CFAP299: variants seen among roughly 807,000 people sequenced by gnomAD.
The protein encoded by CFAP299 is cilia and flagella associated protein 299.
In CFAP299, 21 loss-of-function variants were observed where a neutral mutation model predicts 27.0. That is an observed-to-expected ratio of 0.78 (90% CI 0.55 to 1.12). The LOEUF (loss-of-function observed/expected upper bound fraction) is 1.12, where lower values mean the gene tolerates loss of function less well. CFAP299 is among the 50% of genes most tolerant of loss of function. The pLI is 0.00. For synonymous variants in CFAP299, 104 were observed against 98.1 expected, an observed-to-expected ratio of 1.06 and a Z score of -0.36; for missense variants, 310 against 276.6, an observed-to-expected ratio of 1.12 and a Z score of -0.86.
At chr4:80,369,480 A>G (rs1724024013) in intron 2 of CFAP299, among the ~76,000 whole-genome samples, 1 of 152,122 alleles carries the variant, frequency 6.6e-6, no homozygotes, top group East Asian at 1.9e-4. Flanking sequence ...GGCCCTTATC[A>G]TCCTACTCTA....
intron 3 of CFAP299, among the ~76,000 whole-genome samples, chr4:80,621,477 GCA>G (rs576823446): frequency 2.4e-4 from 36 of 151,746 alleles, no homozygotes; most frequent in African/African-American, 8.5e-4. Flanking sequence ...CCCATTCTTT[GCA>G]CACTCTTCTG....
intron 2 of CFAP299, among the ~76,000 whole-genome samples, chr4:80,447,953 C>T (rs1248147741): frequency 1.3e-5 from 2 of 152,212 alleles, no homozygotes. Flanking sequence ...CTTAGCATGG[C>T]ACACAAGGCT....
rs189592781 is a variant in CFAP299 at position 80,387,214 on chromosome 4, G to A, written c.242+24330G>A. On this transcript the variant is annotated intron_variant, in intron 2 of 5. Coordinates refer to ENST00000358105, the MANE Select transcript of CFAP299 (RefSeq NM_152770.3). ...GGGAGTACTGGTGCACGCTCAGGTC[G>A]TACATCGGGGGTAAGTCCTTGTTGC... is the stretch of plus-strand genomic sequence containing the variant. 33 of 1,420,188 alleles carry A rather than the reference G, an allele frequency of 2.3e-5. No individual in the cohort carries two copies. The East Asian group carries it at 5.0e-4, about 22-fold the overall frequency. 88.0% of individuals were successfully genotyped at this position (1,420,188 alleles called of 1,614,324 possible).
intron 2 of CFAP299, among the ~76,000 whole-genome samples, chr4:80,559,701 A>C (rs1186190052): frequency 6.6e-6 from 1 of 152,142 alleles, no homozygotes; most frequent in Admixed American, 6.5e-5. Context: ...GAGGCATTGA[A>C]CTCATTGCTA....
the CFAP299 span, among the ~76,000 whole-genome samples, chr4:80,325,665 T>C: frequency 6.6e-6 from 1 of 152,242 alleles, no homozygotes; most frequent in African/African-American, 2.4e-5. Context: ...TTAGAAATCA[T>C]AACATGTTTT....
chr4:80,911,156 A>G lies in CFAP299; in HGVS notation c.477-33654A>G, dbSNP rs181336362. Among the ~76,000 whole-genome samples the G allele has an allele frequency of 4.0e-5, 6 of 150,002 alleles. No individual in the cohort carries two copies. The East Asian group carries it at 9.8e-4, about 24-fold the overall frequency. ...AAACATAAGTTGTTTGTTCCTTTCT[A>G]TGTTCCTATGTCCCTGGGCTGTTCC... On this transcript the variant is annotated intron_variant, in intron 4 of 5. Coordinates refer to ENST00000358105, the MANE Select transcript of CFAP299 (RefSeq NM_152770.3).
chr4:80,917,735 G>C (rs1007255632), intron 4 of CFAP299, among the ~76,000 whole-genome samples: 9 of 152,086 alleles, frequency 5.9e-5, no homozygotes, highest in African/African-American at 2.2e-4. Flanking sequence ...AGCAGAAATA[G>C]GCTCTAAAAA....
intron 2 of CFAP299, among the ~76,000 whole-genome samples, chr4:80,502,775 T>C (rs4370132): frequency 0.08 from 12,202 of 152,140 alleles, 703 homozygotes; most frequent in East Asian, 0.25. Flanking sequence ...TGACAAGTTA[T>C]TCTTGGTTTA....
intron 2 of CFAP299, among the ~76,000 whole-genome samples, chr4:80,548,070 G>T (rs187108694): frequency 6.6e-6 from 1 of 152,046 alleles, no homozygotes; most frequent in Admixed American, 6.6e-5. Context: ...AAAGGCACAC[G>T]CCCTTGTGTG....
At chr4:80,395,139 T>C (rs558120924) in intron 2 of CFAP299, among the ~76,000 whole-genome samples, 3 of 152,192 alleles carry the variant, frequency 2.0e-5, no homozygotes, top group African/African-American at 7.2e-5. Context: ...ATATTTTATC[T>C]CATTGGTTAT....
chr4:80,935,644 A>G lies in CFAP299; in HGVS notation c.477-9166A>G, dbSNP rs182230369. On this transcript the variant is annotated intron_variant, in intron 4 of 5. Transcript: ENST00000358105. ...GACAAGCTAGGCAATACCATTCTGG[A>G]TATAGAAACAGGCACAGATTTCATG... is the stretch of plus-strand genomic sequence containing the variant. Among the ~76,000 whole-genome samples, 575 of 152,280 alleles carry G rather than the reference A, an allele frequency of 3.8e-3. 2 individuals carry two copies. Among genetic ancestry groups the G allele is most frequent in the Non-Finnish European group, 7.3e-3 (495 of 67,992 alleles).
chr4:80,929,558 T>A (rs914571415), intron 4 of CFAP299, among the ~76,000 whole-genome samples: 1 of 152,164 alleles, frequency 6.6e-6, no homozygotes, highest in Non-Finnish European at 1.5e-5. Context: ...ATAATTGCTA[T>A]CTTCTATATA....
intron 4 of CFAP299, among the ~76,000 whole-genome samples, chr4:80,942,597 A>G (rs1167225756): frequency 6.6e-6 from 1 of 152,162 alleles, no homozygotes; most frequent in Non-Finnish European, 1.5e-5. Flanking sequence ...CAAAAGAATC[A>G]TGTTCTATAC....
chr4:80,874,043 C>T (rs1406175359), intron 4 of CFAP299, among the ~76,000 whole-genome samples: 1 of 152,094 alleles, frequency 6.6e-6, no homozygotes, highest in Non-Finnish European at 1.5e-5. Context: ...TGCACTTATC[C>T]TGTGCTTAAG....
At chr4:80,626,487 G>A (rs1451421919) in intron 3 of CFAP299, among the ~76,000 whole-genome samples, 3 of 150,812 alleles carry the variant, frequency 2.0e-5, no homozygotes, top group Non-Finnish European at 4.4e-5. Flanking sequence ...CAAAAAACAG[G>A]AATAAACTAA....
intron 4 of CFAP299, among the ~76,000 whole-genome samples, chr4:80,903,478 T>G (rs1043161963): frequency 1.6e-4 from 25 of 152,014 alleles, no homozygotes; most frequent in Admixed American, 1.3e-3. Flanking sequence ...ACAACCTCTA[T>G]TGAAGACAAT....
At chr4:80,782,648 GAA>G (rs1726970048) in intron 3 of CFAP299, among the ~76,000 whole-genome samples, 3 of 95,948 alleles carry the variant, frequency 3.1e-5, no homozygotes, top group African/African-American at 1.3e-4. Flanking sequence ...ATACATATAT[GAA>G]TATATAATAT....
Position 80,661,047 on chromosome 4 carries a change from C to T in CFAP299, c.333+77864C>T, listed in dbSNP as rs1161219748. On this transcript the variant is annotated intron_variant, in intron 3 of 5. Transcript: ENST00000358105. ...ACTCCGTTAAAGTGATGATGGGAGC[C>T]GGGCACGGTGGCTCACACCTGTAAT... Among the ~76,000 whole-genome samples, 4 of 150,492 alleles carry T rather than the reference C, an allele frequency of 2.7e-5. No homozygotes were observed. In the East Asian group the frequency reaches 6.2e-4, roughly 23 times the overall value.
At position 80,668,284 on chromosome 4, in the gene CFAP299, C is replaced by T. The variant is rs185746899; in HGVS notation, c.333+85101C>T. Among the ~76,000 whole-genome samples, 772 of 152,008 alleles carry T rather than the reference C, an allele frequency of 5.1e-3. 5 individuals carry two copies. Among genetic ancestry groups the T allele is most frequent in the Middle Eastern group, 0.02 (6 of 294 alleles). Reference sequence around the variant, plus strand: ...TCTCTTCACTTTGTACATGTTTTCCCGCTGTGCAGAAGCTTTTTAGTTTGA... The same window carrying T: ...TCTCTTCACTTTGTACATGTTTTCCTGCTGTGCAGAAGCTTTTTAGTTTGA... On this transcript the variant is annotated intron_variant, in intron 3 of 5. Coordinates refer to ENST00000358105, the MANE Select transcript of CFAP299 (RefSeq NM_152770.3).
Sources: allele counts gnomAD v4.1 joint callset (sites outside exome capture counted in the v4.1 genomes callset), GRCh38; gene constraint gnomAD v4.1.1; transcripts MANE v1.5; gene names NCBI Gene and HGNC (gene_info 2026-07-23, HGNC 2026-07-21).